TMEM108: variants seen among roughly 807,000 people sequenced by gnomAD.
The protein encoded by TMEM108 is transmembrane protein 108, also known as cancer/testis antigen 124.
TMEM108 carries 12 observed loss-of-function variants against 35.1 expected under a neutral mutation model. The observed-to-expected ratio is 0.34, with a 90% confidence interval of 0.22 to 0.55. The LOEUF (loss-of-function observed/expected upper bound fraction) is 0.55. TMEM108 is among the 20% of genes least tolerant of loss of function. The pLI is 0.89. For synonymous variants in TMEM108, 287 were observed against 308.6 expected (o/e 0.93, Z 0.73); for missense variants, 680 against 753.3 (o/e 0.90, Z 1.14).
chr3:133,051,775 C>T lies in TMEM108; in HGVS notation c.-47+5755C>T, dbSNP rs545003952. 2.0e-5 allele frequency among the ~76,000 whole-genome samples: 3 copies of T among 152,130 alleles called. No individual in the cohort carries two copies. The South Asian group carries it at 6.2e-4, about 32-fold the overall frequency. On this transcript the variant is annotated intron_variant, in intron 2 of 5. Transcript: ENST00000321871. ...CATCATTTGTTGCTTTGTTGTACTGCCTTTACTCCTTTGGCAAAGATCAGC... is the reference window on the plus strand; with the variant it reads ...CATCATTTGTTGCTTTGTTGTACTGTCTTTACTCCTTTGGCAAAGATCAGC...
At chr3:133,279,652 C>T (rs1322209884) in intron 3 of TMEM108, among the ~76,000 whole-genome samples, 2 of 152,196 alleles carry the variant, frequency 1.3e-5, no homozygotes, top group African/African-American at 4.8e-5. Flanking sequence ...AGTGCCTGGA[C>T]ATGGTAGATG....
At chr3:133,073,390 T>C (rs989497285) in intron 2 of TMEM108, among the ~76,000 whole-genome samples, 4 of 151,020 alleles carry the variant, frequency 2.6e-5, no homozygotes, top group Non-Finnish European at 5.9e-5. Flanking sequence ...TGTCTTTCCG[T>C]GCCTGGCTTA....
chr3:133,300,407 G>A (rs779217584), intron 3 of TMEM108, among the ~76,000 whole-genome samples: 6 of 151,996 alleles, frequency 3.9e-5, no homozygotes, highest in African/African-American at 1.2e-4. Context: ...TTACTTTGGC[G>A]GCAACTGGGT....
chr3:133,061,715 G>C (rs914549879), intron 2 of TMEM108, among the ~76,000 whole-genome samples: 1 of 152,120 alleles, frequency 6.6e-6, no homozygotes, highest in African/African-American at 2.4e-5. Flanking sequence ...TTGTTCCCTA[G>C]GAATTTAAAG....
At chr3:133,113,895 T>C (rs1417503508) in intron 2 of TMEM108, among the ~76,000 whole-genome samples, 2 of 152,210 alleles carry the variant, frequency 1.3e-5, no homozygotes, top group African/African-American at 4.8e-5. Context: ...ACTGGACATT[T>C]CTCAGCAGAT....
intron 3 of TMEM108, among the ~76,000 whole-genome samples, chr3:133,232,148 T>G (rs1946162700): frequency 6.6e-6 from 1 of 152,198 alleles, no homozygotes. Flanking sequence ...TGCTGGGGTT[T>G]GGATATCTGA....
intron 2 of TMEM108, among the ~76,000 whole-genome samples, chr3:133,069,952 T>G (rs79624802): frequency 0.028 from 4,199 of 152,276 alleles, 104 homozygotes; most frequent in South Asian, 0.061. Flanking sequence ...ACTCACTAAA[T>G]GTCTTTCTAA....
At chr3:133,073,649 C>T (rs1943706601) in intron 2 of TMEM108, among the ~76,000 whole-genome samples, 1 of 150,490 alleles carries the variant, frequency 6.6e-6, no homozygotes, top group Non-Finnish European at 1.5e-5. Context: ...TTCTACATAC[C>T]GATTTCATTT....
chr3:133,117,776 G>GA (rs1401827189), intron 2 of TMEM108, among the ~76,000 whole-genome samples: 2 of 151,832 alleles, frequency 1.3e-5, no homozygotes, highest in African/African-American at 2.4e-5. Context: ...ACCGGGTTTG[G>GA]AAAAAAAATC....
At chr3:133,142,723 C>G (rs1944658429) in intron 2 of TMEM108, among the ~76,000 whole-genome samples, 1 of 152,206 alleles carries the variant, frequency 6.6e-6, no homozygotes. Context: ...AACTCACAAT[C>G]TGTGCCCCCT....
intron 2 of TMEM108, among the ~76,000 whole-genome samples, chr3:133,189,159 C>A (rs1945463322): frequency 6.6e-6 from 1 of 152,216 alleles, no homozygotes; most frequent in Admixed American, 6.5e-5. Context: ...CCTGTACTTG[C>A]ATATGTACTC....
At chr3:133,297,685 C>T (rs1420927038) in intron 3 of TMEM108, among the ~76,000 whole-genome samples, 4 of 152,174 alleles carry the variant, frequency 2.6e-5, no homozygotes, top group African/African-American at 7.2e-5. Flanking sequence ...TGGGCTGAGG[C>T]AATCTCTGAG....
chr3:133,193,726 T>C (rs1489095745), intron 2 of TMEM108, among the ~76,000 whole-genome samples: 1 of 152,130 alleles, frequency 6.6e-6, no homozygotes, highest in Non-Finnish European at 1.5e-5. Context: ...GGGCTTTAGG[T>C]ATACTTTCAG....
chr3:133,305,679 G>A (rs2071024320), intron 3 of TMEM108, among the ~76,000 whole-genome samples: 1 of 152,018 alleles, frequency 6.6e-6, no homozygotes, highest in Non-Finnish European at 1.5e-5. Context: ...GTTTTCCAAA[G>A]TGGCTGTACC....
chr3:133,080,430 T>C (rs1943794891), intron 2 of TMEM108, among the ~76,000 whole-genome samples: 1 of 152,228 alleles, frequency 6.6e-6, no homozygotes, highest in South Asian at 2.1e-4. Flanking sequence ...TTTTTGCATG[T>C]AAGGACATAT....
At chr3:133,096,924 A>G (rs1944022637) in intron 2 of TMEM108, among the ~76,000 whole-genome samples, 1 of 152,206 alleles carries the variant, frequency 6.6e-6, no homozygotes, top group African/African-American at 2.4e-5. Context: ...CCCCAAGAGG[A>G]AATGTCTTGG....
intron 2 of TMEM108, among the ~76,000 whole-genome samples, chr3:133,189,001 G>C (rs1945461200): frequency 1.3e-5 from 2 of 152,144 alleles, no homozygotes; most frequent in African/African-American, 4.8e-5. Context: ...TGTGGATCCA[G>C]GCCATTAACT....
intron 2 of TMEM108, among the ~76,000 whole-genome samples, chr3:133,125,980 T>G (rs1433681854): frequency 1.3e-5 from 2 of 152,212 alleles, no homozygotes; most frequent in African/African-American, 4.8e-5. Context: ...TACTTTACAG[T>G]TGACCGTATG....
chr3:133,063,917 G>C (rs753007638), intron 2 of TMEM108, among the ~76,000 whole-genome samples: 3 of 152,164 alleles, frequency 2.0e-5, no homozygotes, highest in Non-Finnish European at 4.4e-5. Flanking sequence ...ACATTCTCAT[G>C]TTTTATTCAA....
Sources: gnomAD v4.1 joint callset for allele counts (sites outside exome capture counted in the v4.1 genomes callset) on GRCh38, gnomAD v4.1.1 for gene constraint, MANE v1.5 for transcripts, NCBI Gene and HGNC (gene_info 2026-07-23, HGNC 2026-07-21) for gene names.